The following EPHA3 variants were observed in gnomAD, a reference collection of about 807,000 sequenced individuals.
EPHA3 encodes the protein ephrin type-A receptor 3.
EPHA3 carries 42 observed loss-of-function variants against 107.1 expected under a neutral mutation model. That is an observed-to-expected ratio of 0.39 (90% confidence interval 0.31 to 0.51). EPHA3 has a LOEUF of 0.51. EPHA3 is among the 20% of genes least tolerant of loss of function. The pLI, the probability that EPHA3 is intolerant of heterozygous loss-of-function variation, is 0.78. For missense variants in EPHA3, 1,183 were observed against 1,211.2 expected, an observed-to-expected ratio of 0.98 and a Z score of 0.35; for synonymous variants, 461 against 424.8, an observed-to-expected ratio of 1.09 and a Z score of -1.05.
chr3:89,455,200 A>T (rs147719640), intron 15 of EPHA3, among the ~76,000 whole-genome samples: 45 of 152,274 alleles, frequency 3.0e-4, no homozygotes, highest in Non-Finnish European at 5.1e-4. Context: ...TACAGACCAG[A>T]GGAAGGAAAT....
chr3:89,368,200 A>G (rs891349018), intron 5 of EPHA3, among the ~76,000 whole-genome samples: 4 of 150,588 alleles, frequency 2.7e-5, no homozygotes, highest in African/African-American at 9.7e-5. Context: ...GTTTTTTAAA[A>G]AAATTATTAT....
At chr3:89,432,875 T>C (rs148151552) in intron 13 of EPHA3, among the ~76,000 whole-genome samples, 5 of 152,212 alleles carry the variant, frequency 3.3e-5, no homozygotes, top group Admixed American at 6.5e-5. Flanking sequence ...TTCTGCCCTG[T>C]TTTAACTTAA....
chr3:89,313,421 T>G (rs1357977705), intron 3 of EPHA3, among the ~76,000 whole-genome samples: 1 of 151,992 alleles, frequency 6.6e-6, no homozygotes, highest in East Asian at 1.9e-4. Flanking sequence ...CTGTTTTTCC[T>G]TTAATCTTTT....
intron 3 of EPHA3, among the ~76,000 whole-genome samples, chr3:89,211,730 TCTTCTTCTTCTC>T (rs1215476102): frequency 0.19 from 2,544 of 13,254 alleles, 436 homozygotes; most frequent in Non-Finnish European, 0.26. Context: ...TTCTTTTTCT[TCTTCTTCTTCTC>T]CTTCTTCTTC....
intron 5 of EPHA3, among the ~76,000 whole-genome samples, chr3:89,344,321 T>C (rs951992106): frequency 2.0e-5 from 3 of 152,146 alleles, no homozygotes; most frequent in African/African-American, 7.2e-5. Flanking sequence ...GCTTTGGCCC[T>C]CCCAGTTACA....
intron 2 of EPHA3, among the ~76,000 whole-genome samples, chr3:89,174,469 T>C (rs1316908477): frequency 6.6e-6 from 1 of 151,988 alleles, no homozygotes; most frequent in African/African-American, 2.4e-5. Flanking sequence ...TTGGGTCTCT[T>C]TTTTAATCCA....
chr3:89,317,407 A>G (rs1282825263), intron 3 of EPHA3, among the ~76,000 whole-genome samples: 11 of 151,806 alleles, frequency 7.2e-5, no homozygotes, highest in Non-Finnish European at 1.0e-4. Context: ...GAAGAGCATG[A>G]CATTACTGGC....
At chr3:89,321,185 C>T (rs555588492) in intron 3 of EPHA3, among the ~76,000 whole-genome samples, 64 of 151,994 alleles carry the variant, frequency 4.2e-4, no homozygotes, top group African/African-American at 1.4e-3. Context: ...TTCTATGCTG[C>T]GAGCATAATG....
At chr3:89,281,243 T>C (rs1191864148) in intron 3 of EPHA3, among the ~76,000 whole-genome samples, 2 of 152,122 alleles carry the variant, frequency 1.3e-5, no homozygotes, top group Non-Finnish European at 2.9e-5. Flanking sequence ...CAGGCTGGTC[T>C]CGAACTCCTG....
chr3:89,244,061 A>G (rs1175441145), intron 3 of EPHA3, among the ~76,000 whole-genome samples: 1 of 152,132 alleles, frequency 6.6e-6, no homozygotes, highest in Admixed American at 6.6e-5. Flanking sequence ...TAGGAATTTG[A>G]TTATTTAAAA....
At position 89,466,693 on chromosome 3, in the gene EPHA3, G is replaced by A. The variant is rs544009605; in HGVS notation, c.2691-5771G>A. Among the ~76,000 whole-genome samples, 176 of 132,218 alleles carry A rather than the reference G, an allele frequency of 1.3e-3. 17 individuals are homozygous for A. The highest frequency in any genetic ancestry group is 2.0e-3 in the Non-Finnish European group (119 of 60,182). 86.7% of individuals were successfully genotyped at this position (132,218 alleles called of 152,430 possible). Reference sequence around the variant, plus strand: ...AATGCCTCGCCCTGCTTCGGCTCGCGCACGGTGCGCACACACACTGGCCTG... The same window carrying A: ...AATGCCTCGCCCTGCTTCGGCTCGCACACGGTGCGCACACACACTGGCCTG... On this transcript the variant is annotated intron_variant, in intron 15 of 16. Transcript: ENST00000336596.
chr3:89,187,618 T>G (rs1246409189), intron 2 of EPHA3, among the ~76,000 whole-genome samples: 2 of 152,024 alleles, frequency 1.3e-5, no homozygotes, highest in Non-Finnish European at 2.9e-5. Flanking sequence ...ATTCTAAAAA[T>G]GTCCCTCTGT....
intron 3 of EPHA3, among the ~76,000 whole-genome samples, chr3:89,320,005 T>C (rs1707005947): frequency 6.6e-6 from 1 of 151,880 alleles, no homozygotes; most frequent in South Asian, 2.1e-4. Context: ...AAAACAAGTA[T>C]GTATTTAAGC....
At chr3:89,407,969 G>A in intron 8 of EPHA3, 98 bp from the exon 9 acceptor site, 4 of 1,165,208 alleles carry the variant, frequency 3.4e-6, no homozygotes, top group Non-Finnish European at 3.7e-6. Context: ...AATTGTTTGA[G>A]GAAAATGTTT....
chr3:89,352,423 A>G (rs1707848248), intron 5 of EPHA3, among the ~76,000 whole-genome samples: 1 of 151,332 alleles, frequency 6.6e-6, no homozygotes, highest in Non-Finnish European at 1.5e-5. Flanking sequence ...AAGACCACCT[A>G]TGGACTCACT....
At chr3:89,367,958 A>T (rs1444818767) in intron 5 of EPHA3, among the ~76,000 whole-genome samples, 1 of 150,638 alleles carries the variant, frequency 6.6e-6, no homozygotes, top group African/African-American at 2.4e-5. Context: ...TATGCATTTA[A>T]TCTTTCTTAC....
At chr3:89,351,996 T>A (rs1296938008) in intron 5 of EPHA3, among the ~76,000 whole-genome samples, 2 of 149,972 alleles carry the variant, frequency 1.3e-5, no homozygotes, top group African/African-American at 2.4e-5. Flanking sequence ...GTGCTGGATA[T>A]GATGCAGGGA....
intron 3 of EPHA3, among the ~76,000 whole-genome samples, chr3:89,289,596 T>C (rs2107326656): frequency 6.6e-6 from 1 of 152,230 alleles, no homozygotes; most frequent in East Asian, 1.9e-4. Flanking sequence ...TGTACACACA[T>C]ATATTAATAG....
intron 3 of EPHA3, among the ~76,000 whole-genome samples, chr3:89,339,711 T>C (rs1707474595): frequency 1.3e-5 from 2 of 152,202 alleles, no homozygotes; most frequent in Non-Finnish European, 1.5e-5. Flanking sequence ...AGGTTTTACT[T>C]TAATGCAAAT....
Sources: allele counts gnomAD v4.1 joint callset (sites outside exome capture counted in the v4.1 genomes callset), GRCh38; gene constraint gnomAD v4.1.1; transcripts MANE v1.5; gene names NCBI Gene and HGNC (gene_info 2026-07-23, HGNC 2026-07-21).